THOC1: variants seen among roughly 807,000 people sequenced by gnomAD.
THOC1 encodes THO complex subunit 1.
Under a neutral mutation model 97.3 loss-of-function variants are expected in THOC1, and 29 were observed. That is an observed-to-expected ratio of 0.30 (90% CI 0.22 to 0.41). The LOEUF is 0.41. Ranked by LOEUF, THOC1 falls within the 10% of genes least tolerant of loss-of-function variation. The pLI, the probability that THOC1 is intolerant of heterozygous loss-of-function variation, is 1.00. For synonymous variants in THOC1, 255 were observed against 257.0 expected (o/e 0.99, Z 0.07); for missense variants, 529 against 761.9 (o/e 0.69, Z 3.60).
chr18:226,943 AAAATCAAGTTTTTCCT>A, intron 11 of THOC1, 42 bp from the exon 12 acceptor site: 1 of 1,471,660 alleles, frequency 6.8e-7, no homozygotes. Flanking sequence ...ACAACACATT[AAAATCAAGTTTTTCCT>A]AAAGGTACAA....
intron 20 of THOC1, 21 bp from the exon 21 acceptor site, chr18:214,942 A>G: frequency 6.2e-7 from 1 of 1,610,020 alleles, no homozygotes; most frequent in Non-Finnish European, 8.5e-7. Context: ...AAGAGAATAT[A>G]AATTATGCGC....
chr18:215,337 G>C, intron 20 of THOC1, 92 bp downstream of exon 20: 3 of 933,510 alleles, frequency 3.2e-6, no homozygotes, highest in Non-Finnish European at 5.0e-6. Context: ...GGGAGAAGTT[G>C]AGAAGTCGAT....
intron 11 of THOC1, among the ~76,000 whole-genome samples, chr18:237,091 A>G (rs561676141): frequency 2.6e-5 from 4 of 152,154 alleles, no homozygotes; most frequent in Non-Finnish European, 5.9e-5. Flanking sequence ...TCTACTGTAT[A>G]TAAGTCTGAT....
intron 11 of THOC1, among the ~76,000 whole-genome samples, chr18:231,104 C>T (rs1183765591): frequency 6.6e-6 from 1 of 152,086 alleles, no homozygotes; most frequent in African/African-American, 2.4e-5. Context: ...CTTTTATTAT[C>T]CTTAGCTGTA....
chr18:233,724 C>A (rs976022556), intron 11 of THOC1, among the ~76,000 whole-genome samples: 4 of 152,254 alleles, frequency 2.6e-5, no homozygotes, highest in Admixed American at 6.5e-5. Context: ...CTAATAATTA[C>A]CTGCCCTAAT....
chr18:218,636 T>C (rs142380708), intron 18 of THOC1, among the ~76,000 whole-genome samples: 1 of 151,574 alleles, frequency 6.6e-6, no homozygotes, highest in Non-Finnish European at 1.5e-5. Context: ...TGGAGAGAAA[T>C]GGGGATCAGG....
intron 3 of THOC1, chr18:264,981 G>A (rs1022997121): frequency 4.8e-6 from 1 of 209,024 alleles, no homozygotes; most frequent in Non-Finnish European, 9.4e-6. Flanking sequence ...GACCTTTTGC[G>A]CCACTACAGG....
chr18:214,615 A>G lies in THOC1; in HGVS notation c.*11T>C. ...CTATCACAGTTTTAATAAAAAGAAA[A>G]AAAAAAGAAGCTAACTATTTGTCTC... On this transcript the variant is annotated 3_prime_UTR_variant, in exon 21 of 21. Transcript: ENST00000261600. 2 of 1,584,538 alleles carry G rather than the reference A, an allele frequency of 1.3e-6. No homozygotes were observed. Among genetic ancestry groups the G allele is most frequent in the Non-Finnish European group, 1.7e-6 (2 of 1,167,082 alleles).
chr18:226,948 C>A, intron 11 of THOC1, 47 bp from the exon 12 acceptor site: 1 of 1,414,222 alleles, frequency 7.1e-7, no homozygotes, highest in Non-Finnish European at 9.7e-7. Flanking sequence ...ACATTAAAAT[C>A]AAGTTTTTCC....
At chr18:249,731 T>C (rs769167869) in intron 9 of THOC1, among the ~76,000 whole-genome samples, 24 of 150,598 alleles carry the variant, frequency 1.6e-4, no homozygotes, top group Non-Finnish European at 3.0e-5. Context: ...AGAAAAGAAA[T>C]AGCACTATAT....
chr18:234,853 A>T (rs1911618834), intron 11 of THOC1, among the ~76,000 whole-genome samples: 1 of 152,198 alleles, frequency 6.6e-6, no homozygotes, highest in Admixed American at 6.5e-5. Context: ...ATGAATATAC[A>T]TACACATTTT....
intron 11 of THOC1, among the ~76,000 whole-genome samples, chr18:234,268 C>G (rs1911596281): frequency 6.6e-6 from 1 of 152,054 alleles, no homozygotes; most frequent in Non-Finnish European, 1.5e-5. Flanking sequence ...ACTCTTACTC[C>G]TTTTTTGTTT....
rs749988119 is a variant in THOC1, at chr18:224,111, C to T, written c.1277G>A (p.Gly426Glu). The change falls in exon 16 of 21, where the codon GGA becomes GAA. Residue 426 changes from glycine to glutamate, a missense_variant. Gly to Glu is a moderately conservative substitution (Grantham distance 98). Coordinates refer to ENST00000261600, the MANE Select transcript of THOC1 (RefSeq NM_005131.3). ...TCCCATCAGAATTTTTTTGGTGGGT[C>T]CTTTCCCTAGGAAGTCCTCGGGTGC... Reference protein sequence around the residue: ...RTAPEDFLGKGPTKKILMGNE... With the variant: ...RTAPEDFLGKEPTKKILMGNE... 2 of 1,610,418 alleles carry T rather than the reference C, an allele frequency of 1.2e-6. No homozygotes were observed. The highest frequency in any genetic ancestry group is 1.7e-5 in the Admixed American group (1 of 59,606).
chr18:243,545 A>ATAT (rs959850821), intron 11 of THOC1, among the ~76,000 whole-genome samples: 1 of 151,074 alleles, frequency 6.6e-6, no homozygotes, highest in African/African-American at 2.4e-5. Context: ...CTCAAAAAAA[A>ATAT]ATATATATAT....
rs747210350 is a variant in THOC1 at position 259,202 on chromosome 18, A to G, written c.498T>C (p.Leu166=). ...TACCTGATTTCTCAGACAGAGGGAA[A>G]AGCCTGGCCAAAAAGAGCTGAATCC... ...CGRIQLFLAR[L]FPLSEKSGLN... The change falls in exon 7 of 21, where the codon CTT becomes CTC. Residue 166 remains leucine (L), a synonymous_variant. Coordinates refer to ENST00000261600, the MANE Select transcript of THOC1 (RefSeq NM_005131.3). The G allele has an allele frequency of 5.0e-6, 8 of 1,612,300 alleles. No individual in the cohort carries two copies. Among genetic ancestry groups the G allele is most frequent in the Non-Finnish European group, 6.8e-6 (8 of 1,178,922 alleles).
chr18:264,559 CA>C (rs1912704793), intron 3 of THOC1, among the ~76,000 whole-genome samples: 1 of 149,932 alleles, frequency 6.7e-6, no homozygotes, highest in South Asian at 2.1e-4. Flanking sequence ...GTTTTACACA[CA>C]ACAACACTGA....
chr18:256,010 T>C (rs1483470006), intron 7 of THOC1, among the ~76,000 whole-genome samples: 1 of 152,220 alleles, frequency 6.6e-6, no homozygotes, highest in African/African-American at 2.4e-5. Context: ...AAAAAAGATT[T>C]CCTTTCACAA....
rs760274844 is a variant in THOC1, at chr18:259,280, C to T, written c.425-5G>A. Reference sequence around the variant, plus strand: ...TAGACAATCTTCTTAGGAGATCTAACAATATATGAAAATGAACGTTACACA... The same window carrying T: ...TAGACAATCTTCTTAGGAGATCTAATAATATATGAAAATGAACGTTACACA... On this transcript the variant is annotated splice_polypyrimidine_tract_variant and splice_region_variant and intron_variant, in intron 6 of 20. Transcript: ENST00000261600. 20 of 1,591,604 alleles carry T rather than the reference C, an allele frequency of 1.3e-5. 1 individual carries two copies. The highest frequency in any genetic ancestry group is 1.7e-4 in the Middle Eastern group (1 of 6,012).
intron 1 of THOC1, 81 bp downstream of exon 1, chr18:267,885 G>C (rs563696448): frequency 4.2e-6 from 6 of 1,439,610 alleles, no homozygotes; most frequent in Non-Finnish European, 5.7e-6. Context: ...TTTACCCCAG[G>C]GCAAAATTCG....
Sources: allele counts gnomAD v4.1 joint callset (sites outside exome capture counted in the v4.1 genomes callset), GRCh38; gene constraint gnomAD v4.1.1; transcripts MANE v1.5; gene names NCBI Gene and HGNC (gene_info 2026-07-23, HGNC 2026-07-21).